RAB37: variants seen among roughly 807,000 people sequenced by gnomAD.
RAB37 encodes ras-related protein Rab-37.
RAB37 carries 29 observed loss-of-function variants against 33.1 expected under a neutral mutation model. The ratio of observed to expected loss-of-function variants is 0.88; its 90% CI spans 0.65 to 1.20. The LOEUF is 1.20. Ranked by LOEUF, RAB37 falls within the 50% of genes most tolerant of loss-of-function variation. RAB37 has a pLI of 0.00. For missense variants in RAB37, 299 were observed against 301.1 expected, an observed-to-expected ratio of 0.99 and a Z score of 0.05; for synonymous variants, 128 against 119.5, an observed-to-expected ratio of 1.07 and a Z score of -0.47.
At position 74,745,343 on chromosome 17, in the gene RAB37, C is replaced by A; in HGVS notation, c.604C>A (p.Pro202Thr). 1 of 1,614,124 alleles carries A rather than the reference C, an allele frequency of 6.2e-7. No individual in the cohort carries two copies. The highest frequency in any genetic ancestry group is 8.5e-7 in the Non-Finnish European group (1 of 1,180,030). The change falls in exon 9 of 9, where the codon CCC (proline) becomes ACC (threonine). Residue 202 changes from proline (P) to threonine (T), a missense_variant. By Grantham distance (38) the Pro-to-Thr change is conservative. Coordinates refer to ENST00000392613, the MANE Select transcript of RAB37 (RefSeq NM_001006638.3). The surrounding 1 kb of genome is among the most constrained non-coding windows in gnomAD (Gnocchi z 4.5). ...KYRAGHQADE[P>T]SFQIRDYVES... ...CCGGGCCGGGCATCAGGCGGATGAG[C>A]CCAGCTTCCAGATCCGAGACTATGT...
chr17:74,733,106 G>T (rs1446197388), upstream of RAB37, among the ~76,000 whole-genome samples: 3 of 152,116 alleles, frequency 2.0e-5, no homozygotes, highest in Non-Finnish European at 4.4e-5. Flanking sequence ...GCACAGTGAT[G>T]TGGCACAGGT....
upstream of RAB37, among the ~76,000 whole-genome samples, chr17:74,736,363 G>A (rs1441113686): frequency 2.0e-5 from 3 of 152,194 alleles, no homozygotes; most frequent in African/African-American, 7.2e-5. Context: ...GGTCGGCCCA[G>A]GCCACAGAGC....
At position 74,729,391 on chromosome 17, in the gene RAB37, C is replaced by A; in HGVS notation, c.183+25C>A. On this transcript the variant is annotated intron_variant, in intron 2 of 7. Coordinates refer to the RAB37 transcript ENST00000340415. The surrounding 1 kb of genome is among the most constrained non-coding windows in gnomAD (Gnocchi z 4.2). ...GGTAAGCACTGGCCGGCACTGCCAG[C>A]TCTGGGCCTGGGCTCAGGACCCCAG... 3 of 1,553,518 alleles carry A rather than the reference C, an allele frequency of 1.9e-6. No individual in the cohort carries two copies. Among genetic ancestry groups the A allele is most frequent in the Non-Finnish European group, 2.7e-6 (3 of 1,124,606 alleles).
chr17:74,725,173 G>A (rs549869886), intron 1 of RAB37, among the ~76,000 whole-genome samples: 153 of 152,258 alleles, frequency 1.0e-3, no homozygotes, highest in Admixed American at 3.4e-3. Context: ...GCAGCCTAGG[G>A]ACAAACAACC....
Position 74,745,484 on chromosome 17 carries a change from C to T in RAB37, c.*73C>T. ...TTCCCCCTCCCAGGCCTGGCTTATT[C>T]CAAGAGGCTGAGCCAATGGGGAGAA... On this transcript the variant is annotated 3_prime_UTR_variant, in exon 9 of 9. Coordinates refer to ENST00000392613, the MANE Select transcript of RAB37 (RefSeq NM_001006638.3). This position sits in a 1 kb window ranked among gnomAD's most constrained non-coding sequence, Gnocchi z 4.5. The T allele has an allele frequency of 7.9e-7, 1 of 1,270,502 alleles. No individual in the cohort carries two copies. Among genetic ancestry groups the T allele is most frequent in the East Asian group, 2.3e-5 (1 of 42,780 alleles). The allele number at this position is 1,270,502 out of a possible 1,614,324, so 78.7% of individuals were successfully genotyped here.
intron 1 of RAB37, chr17:74,703,238 G>T (rs2033225229): frequency 5.0e-6 from 5 of 997,714 alleles, no homozygotes; most frequent in Admixed American, 2.2e-5. Context: ...CTGGGCGGGG[G>T]TCTGGACTGC....
intron 1 of RAB37, chr17:74,704,701 C>T (rs1291548841): frequency 6.2e-7 from 1 of 1,614,208 alleles, no homozygotes. Flanking sequence ...CTCCTCGACA[C>T]CACCACTTCA....
At chr17:74,736,252 C>CCT (rs1356064231), upstream of RAB37, among the ~76,000 whole-genome samples, 1 of 152,058 alleles carries the variant, frequency 6.6e-6, no homozygotes. Context: ...CCAGCTCTCC[C>CCT]CTCCCTACAC....
chr17:74,736,091 A>G (rs2034470628), upstream of RAB37, among the ~76,000 whole-genome samples: 1 of 152,092 alleles, frequency 6.6e-6, no homozygotes, highest in Admixed American at 6.5e-5. Context: ...GCGCACCTGT[A>G]ATCCCAGCTA....
chr17:74,701,284 C>T (rs2033029923), intron 1 of RAB37, among the ~76,000 whole-genome samples: 1 of 152,120 alleles, frequency 6.6e-6, no homozygotes, highest in South Asian at 2.1e-4. Flanking sequence ...TTGTAAGTAC[C>T]TCGAGGGCAG....
chr17:74,744,742 A>C lies in RAB37; in HGVS notation c.433-131A>C. 1 of 1,076,582 alleles carries C rather than the reference A, an allele frequency of 9.3e-7. No homozygotes were observed. Among genetic ancestry groups the C allele is most frequent in the South Asian group, 1.3e-5 (1 of 77,414 alleles). 66.7% of individuals were successfully genotyped at this position (1,076,582 alleles called of 1,614,324 possible). ...TACACTGGGCAGAAACCCTGGCCCCAGGCCAATCACACCTGCCTGCAGTCC... is the reference window on the plus strand; with the variant it reads ...TACACTGGGCAGAAACCCTGGCCCCCGGCCAATCACACCTGCCTGCAGTCC... On this transcript the variant is annotated intron_variant, in intron 6 of 8. Coordinates refer to ENST00000392613, the MANE Select transcript of RAB37 (RefSeq NM_001006638.3). This position sits in a 1 kb window ranked among gnomAD's most constrained non-coding sequence, Gnocchi z 4.2.
Position 74,737,322 on chromosome 17 carries a change from A to G in RAB37, c.50A>G (p.Glu17Gly), listed in dbSNP as rs763154218. 48 of 1,577,360 alleles carry G rather than the reference A, an allele frequency of 3.0e-5. No individual in the cohort carries two copies. The highest frequency in any genetic ancestry group is 3.8e-5 in the Non-Finnish European group (45 of 1,169,096). The change falls in exon 1 of 9, where the codon GAG (glutamate) becomes GGG (glycine). Residue 17 changes from glutamate to glycine, a missense_variant. By Grantham distance (98) the Glu-to-Gly change is moderately conservative. Transcript: ENST00000392613. Reference protein sequence around the residue: ...AVATRDGEAPERSPPCSPSYD... With the variant: ...AVATRDGEAPGRSPPCSPSYD... ...GCCACCCGGGATGGCGAGGCCCCCG[A>G]GCGCTCCCCGCCCTGCAGTCCGAGC... is the stretch of plus-strand genomic sequence containing the variant.
At chr17:74,693,129 G>A (rs2032197339) in intron 1 of RAB37, among the ~76,000 whole-genome samples, 1 of 152,226 alleles carries the variant, frequency 6.6e-6, no homozygotes, top group Non-Finnish European at 1.5e-5. Context: ...CCCCTAAGTG[G>A]CCAAGGAAGG....
intron 1 of RAB37, among the ~76,000 whole-genome samples, chr17:74,703,860 C>T (rs951864455): frequency 9.2e-5 from 14 of 152,214 alleles, no homozygotes; most frequent in African/African-American, 3.4e-4. Context: ...AGCTAACGCT[C>T]CCAGGAGTGT....
intron 1 of RAB37, among the ~76,000 whole-genome samples, chr17:74,679,163 C>T (rs572840268): frequency 3.3e-5 from 5 of 151,924 alleles, no homozygotes; most frequent in Non-Finnish European, 5.9e-5. Context: ...CTTCCTCCCT[C>T]GCCTGTTTGA....
intron 1 of RAB37, among the ~76,000 whole-genome samples, chr17:74,711,755 G>T (rs973581632): frequency 6.6e-6 from 1 of 152,094 alleles, no homozygotes; most frequent in Non-Finnish European, 1.5e-5. Flanking sequence ...CTTCAGGGGG[G>T]TTGTTTCAGC....
chr17:74,696,010 C>G, intron 1 of RAB37: 1 of 1,253,364 alleles, frequency 8.0e-7, no homozygotes, highest in East Asian at 2.3e-5. Context: ...GGCTCCTGTA[C>G]CCCTCAGCCC....
At chr17:74,672,259 A>G (rs892312145) in intron 1 of RAB37, among the ~76,000 whole-genome samples, 6 of 149,716 alleles carry the variant, frequency 4.0e-5, no homozygotes, top group African/African-American at 1.2e-4. Context: ...TCCCCCTAAG[A>G]TAGTTGTTGG....
intron 1 of RAB37, among the ~76,000 whole-genome samples, chr17:74,701,826 G>A (rs1334908636): frequency 6.7e-6 from 1 of 149,692 alleles, no homozygotes; most frequent in Non-Finnish European, 1.5e-5. Flanking sequence ...CTCCAACCTG[G>A]GCAACAGAGT....
Sources: allele counts gnomAD v4.1 joint callset (sites outside exome capture counted in the v4.1 genomes callset), GRCh38; gene constraint gnomAD v4.1.1; non-coding constraint Gnocchi (gnomAD v3.1); transcripts MANE v1.5; gene names NCBI Gene and HGNC (gene_info 2026-07-23, HGNC 2026-07-21).